OR10H1: variants seen among roughly 807,000 people sequenced by gnomAD.
OR10H1 encodes the protein olfactory receptor 10H1.
Under a neutral mutation model 13.1 loss-of-function variants are expected in OR10H1, and 12 were observed. The ratio of observed to expected loss-of-function variants is 0.92; its 90% confidence interval spans 0.59 to 1.48. OR10H1 has a LOEUF of 1.48. Ranked by LOEUF, OR10H1 falls within the 40% of genes most tolerant of loss-of-function variation. The pLI, the probability that OR10H1 is intolerant of heterozygous loss-of-function variation, is 0.00. For missense variants in OR10H1, 363 were observed against 413.1 expected (o/e 0.88, Z 1.05); for synonymous variants, 168 against 175.6 (o/e 0.96, Z 0.34).
At chr19:15,810,695 C>T (rs955796721) in intron 2 of OR10H1, among the ~76,000 whole-genome samples, 1 of 151,918 alleles carries the variant, frequency 6.6e-6, no homozygotes, top group African/African-American at 2.4e-5. Context: ...CTAATAGATA[C>T]GGTGTTTCCT....
At chr19:15,814,491 GAGA>G (rs1568455166) in intron 1 of OR10H1, among the ~76,000 whole-genome samples, 1 of 39,118 alleles carries the variant, frequency 2.6e-5, no homozygotes, top group East Asian at 3.4e-4. Flanking sequence ...GAGAGAGAGA[GAGA>G]GAGAGAGAGA....
In OR10H1 at chr19:15,807,198, C is replaced by T. The variant is rs61745312; in HGVS notation, c.840G>A (p.Thr280=). The T allele has an allele frequency of 1.2e-5, 20 of 1,613,840 alleles. No individual in the cohort carries two copies. The African/African-American group carries it at 1.5e-4, about 12-fold the overall frequency. ...EGDTLMGITY[T]VLTPFLSPII... Reference sequence around the variant, plus strand: ...TGGGGCTGAGGAAGGGTGTGAGGACCGTGTAGGTGATGCCCATCAAGGTGT... The same window carrying T: ...TGGGGCTGAGGAAGGGTGTGAGGACTGTGTAGGTGATGCCCATCAAGGTGT... Residue 280 remains threonine, a synonymous_variant, in exon 4 of 4, where the codon ACG becomes ACA. Coordinates refer to ENST00000641419, the MANE Select transcript of OR10H1 (RefSeq NM_013940.4).
chr19:15,814,878 G>A lies in OR10H1; in HGVS notation c.-778+677C>T, dbSNP rs115212441. 2.5e-3 allele frequency among the ~76,000 whole-genome samples: 382 copies of A among 152,150 alleles called. 1 individual carries two copies. The highest frequency in any genetic ancestry group is 8.7e-3 in the African/African-American group (362 of 41,508). On this transcript the variant is annotated intron_variant, in intron 1 of 3. Transcript: ENST00000641419. ...TGAATCCTCTTTCTCTCTTTTCTCC[G>A]CCTCTTCCCAATCCTTTTTCCGTAG... is the stretch of plus-strand genomic sequence containing the variant.
rs759661626 is a variant in OR10H1 at position 15,807,046 on chromosome 19, G to A, written c.*35C>T. 1.6e-5 allele frequency: 25 copies of A among 1,571,854 alleles called. No individual in the cohort carries two copies. Among genetic ancestry groups the A allele is most frequent in the South Asian group, 2.3e-5 (2 of 87,304 alleles). ...AACGTAATTTTTAACAATAGCCTTC[G>A]GTAATCCAATTTAGTTGTTCCCAGT... is the stretch of plus-strand genomic sequence containing the variant. On this transcript the variant is annotated 3_prime_UTR_variant, in exon 4 of 4. Transcript: ENST00000641419.
Position 15,807,321 on chromosome 19 carries a change from G to A in OR10H1, c.717C>T (p.Phe239=). ...CAGTGAGGTGAGAGGCACAGGTGGA[G>A]AAGGCCTTGTTCCGACCTTCAGCAG... ...IPSAEGRNKA[F]STCASHLTVV... Residue 239 remains phenylalanine (F), a synonymous_variant, in exon 4 of 4, where the codon TTC becomes TTT. Coordinates refer to ENST00000641419, the MANE Select transcript of OR10H1 (RefSeq NM_013940.4). 6.2e-7 allele frequency: 1 copy of A among 1,613,926 alleles called. No individual in the cohort carries two copies. Among genetic ancestry groups the A allele is most frequent in the Non-Finnish European group, 8.5e-7 (1 of 1,179,792 alleles).
intron 2 of OR10H1, among the ~76,000 whole-genome samples, chr19:15,810,355 T>C (rs1471013787): frequency 6.6e-6 from 1 of 151,004 alleles, no homozygotes; most frequent in Non-Finnish European, 1.5e-5. Flanking sequence ...CGGATGTGTC[T>C]GTTCTGAACA....
At chr19:15,815,167 C>T (rs1269564475) in intron 1 of OR10H1, among the ~76,000 whole-genome samples, 2 of 151,988 alleles carry the variant, frequency 1.3e-5, no homozygotes, top group Non-Finnish European at 2.9e-5. Flanking sequence ...GGTGAAACCC[C>T]TGTCTCTACT....
intron 1 of OR10H1, among the ~76,000 whole-genome samples, chr19:15,814,753 C>T (rs955092425): frequency 2.0e-5 from 3 of 152,110 alleles, no homozygotes; most frequent in Admixed American, 1.3e-4. Context: ...GATCCTCCCA[C>T]CTTGGCCTCC....
chr19:15,814,511 G>C (rs1599315351), intron 1 of OR10H1, among the ~76,000 whole-genome samples: 1 of 127,902 alleles, frequency 7.8e-6, no homozygotes, highest in Non-Finnish European at 1.8e-5. Flanking sequence ...GAGAGAGAGA[G>C]AGAGAGAGAG....
chr19:15,807,281 A>G lies in OR10H1; in HGVS notation c.757T>C (p.Tyr253His). 1.9e-6 allele frequency: 3 copies of G among 1,614,188 alleles called. No homozygotes were observed. Among genetic ancestry groups the G allele is most frequent in the East Asian group, 4.5e-5 (2 of 44,874 alleles). ...ASHLTVVVVH[Y>H]GFASVIYLKP... Reference sequence around the variant, plus strand: ...AGGTAAATGACGGAGGCAAAGCCATAGTGCACGACCACCACAGTGAGGTGA... The same window carrying G: ...AGGTAAATGACGGAGGCAAAGCCATGGTGCACGACCACCACAGTGAGGTGA... The change falls in exon 4 of 4, where the codon TAT becomes CAT. Residue 253 changes from tyrosine (Y) to histidine (H), a missense_variant. Tyr to His is a moderately conservative substitution (Grantham distance 83). Coordinates refer to ENST00000641419, the MANE Select transcript of OR10H1 (RefSeq NM_013940.4).
In OR10H1 at chr19:15,810,972, A is replaced by G. The variant is rs1599313494; in HGVS notation, c.-129+1258T>C. On this transcript the variant is annotated intron_variant, in intron 2 of 3. Transcript: ENST00000641419. ...GTATGTATGTTATTACAATAAAAAG[A>G]TCATTTTAGAAAGGGTAGTTCACTT... Among the ~76,000 whole-genome samples, 3 of 152,314 alleles carry G rather than the reference A, an allele frequency of 2.0e-5. 1 individual carries two copies. In the East Asian group the frequency reaches 5.8e-4, roughly 29 times the overall value.
rs1986769 is a variant in OR10H1, at chr19:15,805,667, T to G, written c.*1414A>C. 1 of 151,800 alleles carries G rather than the reference T, an allele frequency of 6.6e-6. No homozygotes were observed. The allele number at this position is 151,800 out of a possible 1,614,324, so 9.4% of individuals were successfully genotyped here. The stretch of plus-strand genomic sequence containing the variant: ...TTCAGCCATTTGCCCAGGCTGCTCT[T>G]GAACTCCTGACCTCAGGGGATCCAC... On this transcript the variant is annotated 3_prime_UTR_variant, in exon 4 of 4. Transcript: ENST00000641419.
chr19:15,812,405 G>T lies in OR10H1; in HGVS notation c.-304C>A, dbSNP rs1458625329. On this transcript the variant is annotated 5_prime_UTR_variant, in exon 2 of 4. Coordinates refer to ENST00000641419, the MANE Select transcript of OR10H1 (RefSeq NM_013940.4). ...GGAGGAGGAGGAGGAGGAAAAGAAA[G>T]AAAAAAGGGAGGAAGAAAGAGAGGG... 1.4e-5 allele frequency: 2 copies of T among 142,882 alleles called. No homozygotes were observed. Among genetic ancestry groups the T allele is most frequent in the African/African-American group, 5.3e-5 (2 of 37,914 alleles). 8.9% of individuals were successfully genotyped at this position (142,882 alleles called of 1,614,324 possible). A position where few individuals can be genotyped will look rare whatever the true frequency, so the allele number is the denominator to read the frequency against.
rs556188458 is a variant in OR10H1 at position 15,809,747 on chromosome 19, G to A, written c.-128-906C>T. 3.9e-5 allele frequency among the ~76,000 whole-genome samples: 6 copies of A among 152,220 alleles called. No individual in the cohort carries two copies. In the South Asian group the frequency reaches 1.2e-3, roughly 32 times the overall value. ...TACAGTAAATGAGTGACTGTACATGGTCTTTGCTCAGTAACTTTAATTTCA... is the reference window on the plus strand; with the variant it reads ...TACAGTAAATGAGTGACTGTACATGATCTTTGCTCAGTAACTTTAATTTCA... On this transcript the variant is annotated intron_variant, in intron 2 of 3. Transcript: ENST00000641419.
chr19:15,810,558 A>C (rs535702956), intron 2 of OR10H1, among the ~76,000 whole-genome samples: 2 of 151,916 alleles, frequency 1.3e-5, no homozygotes, highest in Admixed American at 6.6e-5. Flanking sequence ...TCATCTTTTC[A>C]TGGACATGAG....
At chr19:15,811,519 C>T (rs2088932335) in intron 2 of OR10H1, among the ~76,000 whole-genome samples, 1 of 152,106 alleles carries the variant, frequency 6.6e-6, no homozygotes, top group African/African-American at 2.4e-5. Flanking sequence ...CAGAAAACAC[C>T]CATGTCTCCA....
chr19:15,806,445 A>C lies in OR10H1; in HGVS notation c.*636T>G, dbSNP rs960580255. On this transcript the variant is annotated 3_prime_UTR_variant, in exon 4 of 4. Coordinates refer to ENST00000641419, the MANE Select transcript of OR10H1 (RefSeq NM_013940.4). ...GGAAGGGATAGGGTCTCACTCTGTC[A>C]TCCATGCTAGACTGCAGTGGCACAG... 1.3e-5 allele frequency: 2 copies of C among 152,648 alleles called. No individual in the cohort carries two copies. The highest frequency in any genetic ancestry group is 1.3e-4 in the Admixed American group (2 of 15,300). The allele number at this position is 152,648 out of a possible 1,614,324, so 9.5% of individuals were successfully genotyped here.
In OR10H1 at chr19:15,807,611, A is replaced by G. The variant is rs757551867; in HGVS notation, c.427T>C (p.Cys143Arg). Residue 143 changes from cysteine (C) to arginine (R), a missense_variant, in exon 4 of 4, where the codon TGC becomes CGC. Cys to Arg is a radical substitution (Grantham distance 180, BLOSUM62 -3). This residue lies in a region of OR10H1 where 318 missense variants were observed against 366.6 expected (regional missense o/e 0.87). Transcript: ENST00000641419. ...CCAGCCCAGGAGCAGCCCACCAGGC[A>G]GGCGCAGCCCCGCGGGCTCATGAGC... ...NVLMSPRGCA[C>R]LVGCSWAGGL... 3 of 1,614,126 alleles carry G rather than the reference A, an allele frequency of 1.9e-6. No individual in the cohort carries two copies. The African/African-American group carries it at 4.0e-5, about 22-fold the overall frequency.
chr19:15,809,917 G>A (rs565898305), intron 2 of OR10H1, among the ~76,000 whole-genome samples: 1 of 151,978 alleles, frequency 6.6e-6, no homozygotes, highest in South Asian at 2.1e-4. Flanking sequence ...CTGGGCTTAA[G>A]CGATCTTCCC....
Sources: gnomAD v4.1 joint callset for allele counts (sites outside exome capture counted in the v4.1 genomes callset) on GRCh38, gnomAD v4.1.1 for gene constraint, gnomAD v4.1.1 regional missense constraint, MANE v1.5 for transcripts, NCBI Gene and HGNC (gene_info 2026-07-23, HGNC 2026-07-21) for gene names.